The following ITPKB variants were observed in gnomAD, a reference collection of about 807,000 sequenced individuals.
ITPKB encodes inositol-trisphosphate 3-kinase B.
A neutral mutation model predicts 69.4 loss-of-function variants in ITPKB; 13 were observed. The ratio of observed to expected loss-of-function variants is 0.19; its 90% CI spans 0.12 to 0.30. The LOEUF is 0.30. ITPKB is among the 10% of genes least tolerant of loss of function. The pLI is 1.00. For synonymous variants in ITPKB, 584 were observed against 513.7 expected, an observed-to-expected ratio of 1.14 and a Z score of -1.85; for missense variants, 1,240 against 1,250.5, an observed-to-expected ratio of 0.99 and a Z score of 0.13.
intron 2 of ITPKB, among the ~76,000 whole-genome samples, chr1:226,691,421 C>A (rs1656350293): frequency 6.6e-6 from 1 of 152,068 alleles, no homozygotes; most frequent in Admixed American, 6.5e-5. Flanking sequence ...GGGGACTCTG[C>A]ATGCACAGTA....
intron 2 of ITPKB, among the ~76,000 whole-genome samples, chr1:226,653,380 G>T (rs888663691): frequency 1.3e-5 from 2 of 152,230 alleles, no homozygotes; most frequent in African/African-American, 4.8e-5. Context: ...ACAAGAGCAA[G>T]ATTCCTCCAG....
intron 2 of ITPKB, among the ~76,000 whole-genome samples, chr1:226,702,689 A>T (rs1656697986): frequency 6.6e-6 from 1 of 152,170 alleles, no homozygotes; most frequent in Non-Finnish European, 1.5e-5. Context: ...GGTAATGAAG[A>T]CCCATTGGGA....
intron 2 of ITPKB, among the ~76,000 whole-genome samples, chr1:226,684,743 A>C (rs576951142): frequency 1.3e-5 from 2 of 152,310 alleles, no homozygotes; most frequent in South Asian, 2.1e-4. Context: ...TGGAGACTCC[A>C]GAAGGTTAAG....
intron 2 of ITPKB, among the ~76,000 whole-genome samples, chr1:226,674,332 G>T (rs1017067841): frequency 6.6e-6 from 1 of 152,074 alleles, no homozygotes; most frequent in Non-Finnish European, 1.5e-5. Context: ...CCGAGTAGCT[G>T]GGATTACAGG....
chr1:226,658,725 G>C (rs1669344915), intron 2 of ITPKB, among the ~76,000 whole-genome samples: 2 of 152,192 alleles, frequency 1.3e-5, no homozygotes, highest in Admixed American at 6.5e-5. Context: ...CCAGGCACGA[G>C]GTTCTTCTCC....
chr1:226,685,859 C>T (rs1455896565), intron 2 of ITPKB, among the ~76,000 whole-genome samples: 2 of 152,182 alleles, frequency 1.3e-5, no homozygotes, highest in African/African-American at 4.8e-5. Flanking sequence ...GGAAATGAAG[C>T]GGCTGGCTGC....
At chr1:226,690,707 C>T (rs1259853753) in intron 2 of ITPKB, among the ~76,000 whole-genome samples, 1 of 152,144 alleles carries the variant, frequency 6.6e-6, no homozygotes, top group Non-Finnish European at 1.5e-5. Flanking sequence ...CACACAGGAC[C>T]GTCAATTCAA....
intron 2 of ITPKB, among the ~76,000 whole-genome samples, chr1:226,652,163 G>A (rs1339704180): frequency 1.3e-5 from 2 of 152,240 alleles, no homozygotes; most frequent in Non-Finnish European, 2.9e-5. Context: ...TCCAGGCTGG[G>A]GGAAGGAGGG....
intron 2 of ITPKB, among the ~76,000 whole-genome samples, chr1:226,708,254 G>T (rs1180048255): frequency 6.6e-6 from 1 of 152,158 alleles, no homozygotes; most frequent in Non-Finnish European, 1.5e-5. Flanking sequence ...TTTAGTCATG[G>T]TTATCATTAG....
intron 2 of ITPKB, among the ~76,000 whole-genome samples, chr1:226,662,061 A>T (rs979327771): frequency 6.6e-6 from 1 of 152,266 alleles, no homozygotes; most frequent in African/African-American, 2.4e-5. Flanking sequence ...TGCACGGACG[A>T]TGAGGCAGCC....
intron 2 of ITPKB, among the ~76,000 whole-genome samples, chr1:226,674,033 G>A (rs1020425905): frequency 8.6e-5 from 13 of 151,520 alleles, no homozygotes; most frequent in African/African-American, 2.4e-4. Flanking sequence ...ATTTCCCCCC[G>A]ATCTCAGTTG....
At chr1:226,648,056 G>A (rs1669098860) in intron 3 of ITPKB, among the ~76,000 whole-genome samples, 1 of 152,226 alleles carries the variant, frequency 6.6e-6, no homozygotes, top group Non-Finnish European at 1.5e-5. Context: ...GGTCCTACAT[G>A]TGGGCTAGAT....
chr1:226,681,516 A>G (rs3754398), intron 2 of ITPKB, among the ~76,000 whole-genome samples: 2,558 of 152,290 alleles, frequency 0.017, 112 homozygotes, highest in Admixed American at 0.082. Context: ...CCAGAGCCCA[A>G]ATCTAACCCA....
At chr1:226,733,635 G>A (rs1657660839) in intron 2 of ITPKB, among the ~76,000 whole-genome samples, 1 of 151,984 alleles carries the variant, frequency 6.6e-6, no homozygotes, top group African/African-American at 2.4e-5. Flanking sequence ...GAGCAAAGCC[G>A]GCAGGGGATT....
rs568609924 is a variant in ITPKB at position 226,675,652 on chromosome 1, C to T, written c.1933-26881G>A. On this transcript the variant is annotated intron_variant, in intron 2 of 7. Coordinates refer to ENST00000429204, the MANE Select transcript of ITPKB (RefSeq NM_002221.4). ...TTGGGCAAATTACCCAACCTTCCTG[C>T]TTCTCGATTTCTACTTCCTCTATAA... is the stretch of plus-strand genomic sequence containing the variant. Among the ~76,000 whole-genome samples the T allele has an allele frequency of 1.7e-3, 255 of 152,300 alleles. 2 individuals are homozygous for T. The highest frequency in any genetic ancestry group is 6.0e-3 in the African/African-American group (248 of 41,550).
chr1:226,655,838 G>A (rs1669276680), intron 2 of ITPKB, among the ~76,000 whole-genome samples: 2 of 152,200 alleles, frequency 1.3e-5, no homozygotes, highest in Admixed American at 6.5e-5. Flanking sequence ...GGGTTGTGAC[G>A]CTGGGGGCAG....
chr1:226,697,612 C>T (rs1457370200), intron 2 of ITPKB, among the ~76,000 whole-genome samples: 5 of 152,208 alleles, frequency 3.3e-5, no homozygotes, highest in African/African-American at 4.8e-5. Flanking sequence ...ACCTGATAGG[C>T]GAACTGGGCT....
At chr1:226,729,558 C>T (rs979582140) in intron 2 of ITPKB, among the ~76,000 whole-genome samples, 1 of 150,362 alleles carries the variant, frequency 6.7e-6, no homozygotes, top group Non-Finnish European at 1.5e-5. Context: ...ATTATGGAAG[C>T]TATCGAAAAG....
At chr1:226,733,072 G>A (rs3754411) in intron 2 of ITPKB, among the ~76,000 whole-genome samples, 28,380 of 152,088 alleles carry the variant, frequency 0.19, 2,812 homozygotes, top group Middle Eastern at 0.33. Flanking sequence ...TATGTGACTG[G>A]AACGCTGAAC....
Sources: gnomAD v4.1 joint callset for allele counts (sites outside exome capture counted in the v4.1 genomes callset) on GRCh38, gnomAD v4.1.1 for gene constraint, MANE v1.5 for transcripts, NCBI Gene and HGNC (gene_info 2026-07-23, HGNC 2026-07-21) for gene names.